FERMT2: variants seen among roughly 807,000 people sequenced by gnomAD.
FERMT2 encodes fermitin family homolog 2.
In FERMT2, 15 loss-of-function variants were observed where a neutral mutation model predicts 82.7. That is an observed-to-expected ratio of 0.18 (90% CI 0.12 to 0.28). The LOEUF is 0.28. FERMT2 is among the 10% of genes least tolerant of loss of function. The pLI, the probability that FERMT2 is intolerant of heterozygous loss-of-function variation, is 1.00. For synonymous variants in FERMT2, 274 were observed against 271.5 expected, an observed-to-expected ratio of 1.01 and a Z score of -0.09; for missense variants, 645 against 809.4, an observed-to-expected ratio of 0.80 and a Z score of 2.46.
chr14:52,939,136 C>A (rs1272655960), intron 2 of FERMT2, among the ~76,000 whole-genome samples: 3 of 141,782 alleles, frequency 2.1e-5, no homozygotes, highest in Non-Finnish European at 4.5e-5. Flanking sequence ...GGGTGGATCA[C>A]TTGAGGTTAG....
At chr14:52,934,795 G>A (rs1428977792) in intron 2 of FERMT2, among the ~76,000 whole-genome samples, 5 of 152,068 alleles carry the variant, frequency 3.3e-5, no homozygotes, top group African/African-American at 1.2e-4. Context: ...TTAATTCATT[G>A]CAGTTTTATC....
intron 3 of FERMT2, among the ~76,000 whole-genome samples, chr14:52,895,819 C>T (rs184202417): frequency 1.1e-3 from 169 of 152,022 alleles, no homozygotes; most frequent in African/African-American, 3.7e-3. Context: ...AACTGTGAAA[C>T]GATGAAGAAC....
intron 6 of FERMT2, among the ~76,000 whole-genome samples, chr14:52,879,635 A>G (rs1016646558): frequency 1.3e-5 from 2 of 152,178 alleles, no homozygotes; most frequent in African/African-American, 4.8e-5. Flanking sequence ...ATTATTTTCT[A>G]TAATTTTATT....
intron 1 of FERMT2, 94 bp from the exon 2 acceptor site, chr14:52,950,671 G>T (rs908604819): frequency 1.5e-6 from 2 of 1,316,568 alleles, no homozygotes; most frequent in Non-Finnish European, 2.1e-6. Context: ...GGGCTGGGAG[G>T]TGGTGGAGGA....
chr14:52,915,231 AT>A (rs1888552565), intron 3 of FERMT2, among the ~76,000 whole-genome samples: 1 of 152,254 alleles, frequency 6.6e-6, no homozygotes, highest in African/African-American at 2.4e-5. Flanking sequence ...TAATGCATGC[AT>A]TTCCAATCAA....
At position 52,949,648 on chromosome 14, in the gene FERMT2, A is replaced by G. The variant is rs551518685; in HGVS notation, c.157+764T>C. Among the ~76,000 whole-genome samples, 63 of 152,298 alleles carry G rather than the reference A, an allele frequency of 4.1e-4. 1 individual carries two copies. Among genetic ancestry groups the G allele is most frequent in the African/African-American group, 1.4e-3 (58 of 41,570 alleles). On this transcript the variant is annotated intron_variant, in intron 2 of 14. Transcript: ENST00000341590. Reference sequence around the variant, plus strand: ...AAAATGTGTACTGCACACTCTTCACACACTTCATACTGTAAGATACCTTAT... The same window carrying G: ...AAAATGTGTACTGCACACTCTTCACGCACTTCATACTGTAAGATACCTTAT...
At chr14:52,943,649 T>G (rs1457940557) in intron 2 of FERMT2, among the ~76,000 whole-genome samples, 1 of 152,198 alleles carries the variant, frequency 6.6e-6, no homozygotes, top group Non-Finnish European at 1.5e-5. Flanking sequence ...TATTTAAATA[T>G]TTAGGAATCA....
intron 2 of FERMT2, among the ~76,000 whole-genome samples, chr14:52,926,318 G>A (rs1297865833): frequency 6.6e-6 from 1 of 151,934 alleles, no homozygotes; most frequent in African/African-American, 2.4e-5. Context: ...TCCCTTACAT[G>A]TTCTAATCTA....
At chr14:52,904,960 C>T (rs1480834877) in intron 3 of FERMT2, among the ~76,000 whole-genome samples, 1 of 151,866 alleles carries the variant, frequency 6.6e-6, no homozygotes, top group African/African-American at 2.4e-5. Flanking sequence ...GAGGCTGGGG[C>T]AGGTGGATAA....
At chr14:52,858,622 C>T in intron 14 of FERMT2, 72 bp from the exon 15 acceptor site, 2 of 1,392,306 alleles carry the variant, frequency 1.4e-6, no homozygotes, top group Non-Finnish European at 2.0e-6. Flanking sequence ...AACTACTGTG[C>T]TACTTAAAGT....
chr14:52,875,110 T>G, intron 8 of FERMT2, 113 bp downstream of exon 8: 1 of 911,282 alleles, frequency 1.1e-6, no homozygotes, highest in South Asian at 1.7e-5. Flanking sequence ...TTTCTCTCTC[T>G]AAAGCATTAA....
intron 4 of FERMT2, 135 bp downstream of exon 4, chr14:52,893,158 G>A (rs1403798621): frequency 1.6e-5 from 11 of 691,784 alleles, no homozygotes; most frequent in Admixed American, 6.3e-5. Context: ...CACCATGCCT[G>A]GCTAATTGAA....
At position 52,875,793 on chromosome 14, in the gene FERMT2, ATT is replaced by A. The variant is rs1885917725; in HGVS notation, c.964-438_964-437del. ...ACACTGAATGCTGTACACTGCTCCT[ATT>A]ACCCAGGAGAAAGTCATCATTATTA... is the stretch of plus-strand genomic sequence containing the variant. On this transcript the variant is annotated intron_variant, in intron 7 of 14. Transcript: ENST00000341590. Among the ~76,000 whole-genome samples, 3 of 152,120 alleles carry A rather than the reference ATT, an allele frequency of 2.0e-5. No individual in the cohort carries two copies. In the South Asian group the frequency reaches 6.2e-4, roughly 31 times the overall value.
chr14:52,860,521 C>T, intron 12 of FERMT2, 56 bp from the exon 13 acceptor site: 16 of 1,501,500 alleles, frequency 1.1e-5, no homozygotes, highest in East Asian at 2.3e-5. Flanking sequence ...CATGGGAGAA[C>T]TGAGACAAAA....
intron 2 of FERMT2, among the ~76,000 whole-genome samples, chr14:52,932,126 G>C (rs1467476431): frequency 1.3e-5 from 2 of 152,220 alleles, no homozygotes; most frequent in African/African-American, 4.8e-5. Flanking sequence ...GGACAGAGAA[G>C]TTACATAACT....
At chr14:52,935,683 T>A (rs1889803794) in intron 2 of FERMT2, among the ~76,000 whole-genome samples, 1 of 152,160 alleles carries the variant, frequency 6.6e-6, no homozygotes, top group Admixed American at 6.5e-5. Flanking sequence ...GATATGTTAT[T>A]TGTTATGGCA....
intron 10 of FERMT2, among the ~76,000 whole-genome samples, chr14:52,870,549 A>C (rs1885556414): frequency 6.6e-6 from 1 of 152,278 alleles, no homozygotes; most frequent in South Asian, 2.1e-4. Context: ...CGCCCAGCCA[A>C]GTTGTACCTT....
intron 10 of FERMT2, among the ~76,000 whole-genome samples, chr14:52,868,215 ATT>A (rs5808693): frequency 1.4e-5 from 2 of 143,622 alleles, no homozygotes; most frequent in East Asian, 2.0e-4. Context: ...CTCTCTAGGC[ATT>A]TTTTTTTTTT....
intron 3 of FERMT2, among the ~76,000 whole-genome samples, chr14:52,904,699 G>GAAAC (rs1208267029): frequency 1.7e-5 from 2 of 119,720 alleles, no homozygotes; most frequent in East Asian, 2.4e-4. Context: ...TCAAAAAAAA[G>GAAAC]AAACAAACAA....
Sources: gnomAD v4.1 joint callset for allele counts (sites outside exome capture counted in the v4.1 genomes callset) on GRCh38, gnomAD v4.1.1 for gene constraint, MANE v1.5 for transcripts, NCBI Gene and HGNC (gene_info 2026-07-23, HGNC 2026-07-21) for gene names.